Variants in EXOC2 observed in about 807,000 individuals in gnomAD.
EXOC2 encodes exocyst complex component 2, also known as SEC5-like 1.
A neutral mutation model predicts 131.8 loss-of-function variants in EXOC2; 70 were observed. That is an observed-to-expected ratio of 0.53 (90% CI 0.44 to 0.65). The LOEUF is 0.65. Among genes scored for constraint, EXOC2 ranks in the 30% least tolerant of loss-of-function variants. The pLI is 0.00. For synonymous variants in EXOC2, 411 were observed against 398.4 expected (o/e 1.03, Z -0.38); for missense variants, 923 against 1,108.6 (o/e 0.83, Z 2.38).
chr6:568,716 T>C (rs1288694962), intron 13 of EXOC2, among the ~76,000 whole-genome samples: 1 of 152,216 alleles, frequency 6.6e-6, no homozygotes, highest in African/African-American at 2.4e-5. Flanking sequence ...CAGTACCTGA[T>C]ACCAAACTTT....
At chr6:573,984 T>C (rs1438220172) in intron 12 of EXOC2, among the ~76,000 whole-genome samples, 1 of 152,236 alleles carries the variant, frequency 6.6e-6, no homozygotes, top group East Asian at 1.9e-4. Flanking sequence ...CCAAACACAC[T>C]CTTTTGAAGC....
intron 1 of EXOC2, among the ~76,000 whole-genome samples, chr6:654,789 G>C (rs112104990): frequency 1.1e-5 from 1 of 88,932 alleles, no homozygotes; most frequent in African/African-American, 4.3e-5. Flanking sequence ...GGGTGACAGA[G>C]TAAGACCCTG....
At chr6:545,318 A>G (rs1756789216) in intron 22 of EXOC2, among the ~76,000 whole-genome samples, 1 of 152,158 alleles carries the variant, frequency 6.6e-6, no homozygotes, top group Non-Finnish European at 1.5e-5. Flanking sequence ...ATATATGTAA[A>G]AGCACTCCCT....
intron 1 of EXOC2, among the ~76,000 whole-genome samples, chr6:687,409 C>T (rs1422031092): frequency 6.6e-6 from 1 of 152,008 alleles, no homozygotes; most frequent in African/African-American, 2.4e-5. Flanking sequence ...TCTCAAACTC[C>T]TGGGCTCAAG....
intron 23 of EXOC2, among the ~76,000 whole-genome samples, chr6:517,342 T>TA (rs925691260): frequency 8.6e-5 from 13 of 150,996 alleles, no homozygotes; most frequent in African/African-American, 2.2e-4. Context: ...ACAACTAAAT[T>TA]AAAAAAAAAT....
At chr6:655,565 T>C (rs186355192) in intron 1 of EXOC2, among the ~76,000 whole-genome samples, 319 of 152,324 alleles carry the variant, frequency 2.1e-3, no homozygotes, top group African/African-American at 6.8e-3. Flanking sequence ...ATTCAAACTA[T>C]GTAGATAATA....
intron 6 of EXOC2, among the ~76,000 whole-genome samples, chr6:616,581 C>G (rs1356873790): frequency 3.6e-4 from 38 of 106,614 alleles, no homozygotes; most frequent in Non-Finnish European, 5.9e-4. Context: ...CCCGCCTGGG[C>G]GACAGAGCGA....
chr6:509,577 A>G (rs564753534), intron 23 of EXOC2, among the ~76,000 whole-genome samples: 1 of 152,328 alleles, frequency 6.6e-6, no homozygotes, highest in South Asian at 2.1e-4. Flanking sequence ...TAAAATTTTA[A>G]TACGAAAATT....
chr6:685,774 A>G (rs920615051), intron 1 of EXOC2, among the ~76,000 whole-genome samples: 2 of 151,582 alleles, frequency 1.3e-5, no homozygotes, highest in African/African-American at 2.4e-5. Context: ...TTACGGCCTG[A>G]TAAGGGCAGA....
At position 532,510 on chromosome 6, in the gene EXOC2, T is replaced by A. The variant is rs747869211; in HGVS notation, c.2339A>T (p.Tyr780Phe). Residue 780 changes from tyrosine to phenylalanine, a missense_variant, in exon 23 of 28, where the codon TAT (tyrosine) becomes TTT (phenylalanine). Physicochemically the swap from Tyr to Phe is conservative, Grantham distance 22. Coordinates refer to ENST00000230449, the MANE Select transcript of EXOC2 (RefSeq NM_018303.6). ...GTCCTTCCAATCAAAATATCCTGCA[T>A]AAATTCCAGGTTCTAAGGAGCCAAC... is the stretch of plus-strand genomic sequence containing the variant. ...PIVGSLEPGI[Y>F]AGYFDWKDCL... 1 of 1,607,070 alleles carries A rather than the reference T, an allele frequency of 6.2e-7. No individual in the cohort carries two copies. The highest frequency in any genetic ancestry group is 1.1e-5 in the South Asian group (1 of 88,978).
intron 3 of EXOC2, 110 bp downstream of exon 3, chr6:632,831 A>G (rs1761920213): frequency 9.5e-7 from 1 of 1,049,122 alleles, no homozygotes; most frequent in Admixed American, 2.5e-5. Flanking sequence ...ACTAAATCTA[A>G]GTTGAGATAT....
intron 4 of EXOC2, among the ~76,000 whole-genome samples, chr6:622,693 AT>A (rs1761353965): frequency 6.6e-6 from 1 of 152,230 alleles, no homozygotes; most frequent in Non-Finnish European, 1.5e-5. Context: ...AAAATAAAAA[AT>A]GTTTTAAAAA....
chr6:497,100 AT>A (rs1371584444), intron 25 of EXOC2, among the ~76,000 whole-genome samples: 7 of 152,274 alleles, frequency 4.6e-5, no homozygotes, highest in African/African-American at 1.7e-4. Context: ...GAAAATAAAA[AT>A]AAAAATCACA....
Position 486,617 on chromosome 6 carries a change from G to T in EXOC2, c.*54C>A. On this transcript the variant is annotated 3_prime_UTR_variant, in exon 28 of 28. Coordinates refer to ENST00000230449, the MANE Select transcript of EXOC2 (RefSeq NM_018303.6). ...CAAATACCTTTAGGGTACTTAGAGAGTGAACAGTCTTATTACGTGTTATTT... is the reference window on the plus strand; with the variant it reads ...CAAATACCTTTAGGGTACTTAGAGATTGAACAGTCTTATTACGTGTTATTT... 1 of 1,462,240 alleles carries T rather than the reference G, an allele frequency of 6.8e-7. No individual in the cohort carries two copies. The highest frequency in any genetic ancestry group is 9.6e-7 in the Non-Finnish European group (1 of 1,043,356). 90.6% of individuals were successfully genotyped at this position (1,462,240 alleles called of 1,614,324 possible).
chr6:691,391 C>T (rs1705860521), intron 1 of EXOC2, among the ~76,000 whole-genome samples: 1 of 152,210 alleles, frequency 6.6e-6, no homozygotes, highest in African/African-American at 2.4e-5. Context: ...TCCATCTCTT[C>T]CATCTCTGCC....
At chr6:625,332 C>A (rs1242346537) in intron 4 of EXOC2, among the ~76,000 whole-genome samples, 1 of 152,218 alleles carries the variant, frequency 6.6e-6, no homozygotes, top group Non-Finnish European at 1.5e-5. Context: ...GGTGTTATTC[C>A]GCGCTTGCGG....
At chr6:584,266 C>A (rs1759077550) in intron 11 of EXOC2, among the ~76,000 whole-genome samples, 1 of 151,848 alleles carries the variant, frequency 6.6e-6, no homozygotes, top group South Asian at 2.1e-4. Context: ...TATGGTAATA[C>A]CAGAATTATA....
chr6:570,245 T>C (rs1019715490), intron 13 of EXOC2, among the ~76,000 whole-genome samples: 27 of 152,034 alleles, frequency 1.8e-4, no homozygotes, highest in Admixed American at 5.9e-4. Flanking sequence ...GCCATTCTCC[T>C]GCCTCAGCCT....
chr6:571,381 T>C (rs1472651371), intron 13 of EXOC2, among the ~76,000 whole-genome samples: 1 of 152,218 alleles, frequency 6.6e-6, no homozygotes, highest in Non-Finnish European at 1.5e-5. Context: ...TTTTATAGGT[T>C]AGAAAACCAA....
Sources: allele counts gnomAD v4.1 joint callset (sites outside exome capture counted in the v4.1 genomes callset), GRCh38; gene constraint gnomAD v4.1.1; transcripts MANE v1.5; gene names NCBI Gene and HGNC (gene_info 2026-07-23, HGNC 2026-07-21).